Variants in LINGO2 observed in about 807,000 individuals in gnomAD.
LINGO2 encodes the protein leucine-rich repeat and immunoglobulin-like domain-containing nogo receptor-interacting protein 2.
Under a neutral mutation model 30.6 loss-of-function variants are expected in LINGO2, and 14 were observed. The ratio of observed to expected loss-of-function variants is 0.46; its 90% CI spans 0.30 to 0.72. LINGO2 has a LOEUF of 0.72. Among genes scored for constraint, LINGO2 ranks in the 30% least tolerant of loss-of-function variants. LINGO2 has a pLI of 0.07. For missense variants in LINGO2, 729 were observed against 751.7 expected, an observed-to-expected ratio of 0.97 and a Z score of 0.35; for synonymous variants, 317 against 288.5, an observed-to-expected ratio of 1.10 and a Z score of -1.00.
At chr9:28,601,685 A>C (rs1825483110) in intron 1 of LINGO2, among the ~76,000 whole-genome samples, 1 of 152,132 alleles carries the variant, frequency 6.6e-6, no homozygotes, top group African/African-American at 2.4e-5. Flanking sequence ...TTCATTTGGA[A>C]GTCATTTCTC....
chr9:28,568,047 C>A lies in LINGO2; in HGVS notation c.-364-92022G>T, dbSNP rs572274342. ...GCCAGTGAAAACAAATAGCAGGGAACTGAAGTAGGTGTGACATCAGCAAGG... is the reference window on the plus strand; with the variant it reads ...GCCAGTGAAAACAAATAGCAGGGAAATGAAGTAGGTGTGACATCAGCAAGG... On this transcript the variant is annotated intron_variant, in intron 1 of 5. Transcript: ENST00000379992. 2.6e-5 allele frequency among the ~76,000 whole-genome samples: 4 copies of A among 152,126 alleles called. No homozygotes were observed. The East Asian group carries it at 7.7e-4, about 29-fold the overall frequency.
chr9:28,637,631 T>C (rs1754069036), intron 1 of LINGO2, among the ~76,000 whole-genome samples: 1 of 152,196 alleles, frequency 6.6e-6, no homozygotes, highest in South Asian at 2.1e-4. Context: ...TTATCTGTTA[T>C]TGGTGTATAA....
At chr9:27,950,051 A>G in exon 6 of LINGO2, 1 of 1,614,144 alleles carries the variant, frequency 6.2e-7, no homozygotes, top group South Asian at 1.1e-5. Flanking sequence ...GATGCTTCAG[A>G]TGCAGGCTGA....
chr9:28,395,593 C>A (rs1447397561), intron 2 of LINGO2, among the ~76,000 whole-genome samples: 3 of 152,018 alleles, frequency 2.0e-5, no homozygotes, highest in African/African-American at 7.3e-5. Context: ...GGGCATATAC[C>A]CATATGGCAA....
the LINGO2 span, among the ~76,000 whole-genome samples, chr9:28,741,401 G>C: frequency 6.6e-6 from 1 of 151,856 alleles, no homozygotes; most frequent in African/African-American, 2.4e-5. Flanking sequence ...GCCTGGCATT[G>C]AGTAGAATCA....
chr9:28,799,796 T>C, the LINGO2 span, among the ~76,000 whole-genome samples: 8 of 152,242 alleles, frequency 5.3e-5, no homozygotes, highest in African/African-American at 1.9e-4. Context: ...GCATTAGCAA[T>C]TATCATCATC....
the LINGO2 span, chr9:28,889,004 T>A: frequency 6.2e-6 from 3 of 487,384 alleles, no homozygotes; most frequent in Non-Finnish European, 1.3e-5. Context: ...CTGTTCATAT[T>A]TCCTCCATTT....
At chr9:28,043,606 G>A (rs930591111) in intron 4 of LINGO2, among the ~76,000 whole-genome samples, 1 of 152,134 alleles carries the variant, frequency 6.6e-6, no homozygotes, top group Non-Finnish European at 1.5e-5. Context: ...TTTATGGAAA[G>A]TTTCAAACAT....
chr9:29,055,665 C>T, the LINGO2 span, among the ~76,000 whole-genome samples: 804 of 152,102 alleles, frequency 5.3e-3, 11 homozygotes, highest in African/African-American at 0.018. Flanking sequence ...CACCCACCAC[C>T]CAAGCAGTGT....
At chr9:29,073,068 T>C in the LINGO2 span, among the ~76,000 whole-genome samples, 52 of 151,604 alleles carry the variant, frequency 3.4e-4, no homozygotes, top group East Asian at 9.8e-3. Flanking sequence ...TGTGAATATC[T>C]GTGTCCCTGA....
chr9:28,143,313 T>C (rs1028623867), intron 4 of LINGO2, among the ~76,000 whole-genome samples: 2 of 152,190 alleles, frequency 1.3e-5, no homozygotes, highest in Non-Finnish European at 2.9e-5. Context: ...GTAAGTCAAA[T>C]GTCAATTCTA....
At chr9:29,212,440 C>A in the LINGO2 span, among the ~76,000 whole-genome samples, 1 of 151,928 alleles carries the variant, frequency 6.6e-6, no homozygotes, top group Non-Finnish European at 1.5e-5. Flanking sequence ...CAAGCGGCAG[C>A]GTGGGCTTCG....
At chr9:28,996,976 A>G in the LINGO2 span, among the ~76,000 whole-genome samples, 1 of 152,192 alleles carries the variant, frequency 6.6e-6, no homozygotes, top group Non-Finnish European at 1.5e-5. Context: ...GCCAACATGT[A>G]TTCCTTCTCC....
intron 3 of LINGO2, among the ~76,000 whole-genome samples, chr9:28,304,248 GTA>G (rs143008292): frequency 1.2e-4 from 18 of 148,946 alleles, no homozygotes; most frequent in Admixed American, 4.7e-4. Flanking sequence ...AATTTAAAAT[GTA>G]TATATATATA....
the LINGO2 span, among the ~76,000 whole-genome samples, chr9:28,823,756 G>A: frequency 6.6e-6 from 1 of 152,240 alleles, no homozygotes; most frequent in Middle Eastern, 3.4e-3. Flanking sequence ...GATTGTCAGT[G>A]TACAAGATGA....
intron 4 of LINGO2, among the ~76,000 whole-genome samples, chr9:28,036,154 CAT>C (rs1238963586): frequency 6.6e-6 from 1 of 152,186 alleles, no homozygotes; most frequent in Admixed American, 6.5e-5. Context: ...CAAACCATCA[CAT>C]ATTAAGGACT....
the LINGO2 span, among the ~76,000 whole-genome samples, chr9:29,136,633 G>C: frequency 6.6e-6 from 1 of 152,070 alleles, no homozygotes. Context: ...GTTCTTCTCA[G>C]TTATATCTAT....
At chr9:28,139,238 C>G (rs1827607738) in intron 4 of LINGO2, among the ~76,000 whole-genome samples, 1 of 146,480 alleles carries the variant, frequency 6.8e-6, no homozygotes, top group Admixed American at 6.7e-5. Context: ...ATAACCCTGG[C>G]CATTGGCATT....
rs115189383 is a variant in LINGO2, at chr9:28,024,084, T to G, written c.-86-11679A>C. Among the ~76,000 whole-genome samples the G allele has an allele frequency of 7.5e-3, 1,146 of 152,270 alleles. 15 individuals are homozygous for G. The highest frequency in any genetic ancestry group is 0.026 in the African/African-American group (1,099 of 41,550). ...CACCAATTTTTCAGTTTGCTCAGAT[T>G]TTTCTAGTTTTAAGAACAGGAGTGA... On this transcript the variant is annotated intron_variant, in intron 4 of 5. Transcript: ENST00000379992.
Sources: gnomAD v4.1 joint callset for allele counts (sites outside exome capture counted in the v4.1 genomes callset) on GRCh38, gnomAD v4.1.1 for gene constraint, MANE v1.5 for transcripts, NCBI Gene and HGNC (gene_info 2026-07-23, HGNC 2026-07-21) for gene names.